CDK5RAP3: variants seen among roughly 807,000 people sequenced by gnomAD.
The protein encoded by CDK5RAP3 is CDK5 regulatory subunit-associated protein 3.
In CDK5RAP3, 58 loss-of-function variants were observed where a neutral mutation model predicts 73.3. That is an observed-to-expected ratio of 0.79 (90% CI 0.64 to 0.98). CDK5RAP3 has a LOEUF of 0.98. Ranked by LOEUF, CDK5RAP3 falls within the 50% of genes least tolerant of loss-of-function variation. The pLI, the probability that CDK5RAP3 is intolerant of heterozygous loss-of-function variation, is 0.00. For synonymous variants in CDK5RAP3, 224 were observed against 247.5 expected (o/e 0.91, Z 0.89); for missense variants, 525 against 615.8 (o/e 0.85, Z 1.56).
chr17:47,968,572 C>T (rs150843327), upstream of CDK5RAP3, among the ~76,000 whole-genome samples: 169 of 152,326 alleles, frequency 1.1e-3, 5 homozygotes, highest in East Asian at 0.026. Context: ...GGCTGGAGTG[C>T]GGTGGCGCAA....
rs762802476 is a variant in CDK5RAP3 at position 47,981,467 on chromosome 17, G to T, written c.1486G>T (p.Gly496Trp). ...AGCTGACATCTCCAAGAGGTACAGC[G>T]GGCGCCCTGTGAACCTGATGGGAAC... ...IEADISKRYS[G>W]RPVNLMGTSL The change falls in exon 14 of 14, where the codon GGG becomes TGG. Residue 496 changes from glycine (G) to tryptophan (W), a missense_variant. Physicochemically the swap from Gly to Trp is radical, Grantham distance 184 (BLOSUM62 -2). Around this residue, in one of 2 missense-constraint regions of CDK5RAP3, gnomAD observed 116 missense variants for 186.1 expected, o/e 0.62. Transcript: ENST00000338399. 6.2e-7 allele frequency: 1 copy of T among 1,614,224 alleles called. No homozygotes were observed. The highest frequency in any genetic ancestry group is 8.5e-7 in the Non-Finnish European group (1 of 1,180,044).
chr17:47,973,193 T>C (rs1441737433), intron 2 of CDK5RAP3, among the ~76,000 whole-genome samples: 1 of 152,210 alleles, frequency 6.6e-6, no homozygotes, highest in East Asian at 1.9e-4. Context: ...AAGAAAGATA[T>C]AATTACCCAT....
chr17:47,976,587 C>G, intron 8 of CDK5RAP3, 125 bp from the exon 9 acceptor site: 1 of 653,870 alleles, frequency 1.5e-6, no homozygotes, highest in East Asian at 2.9e-5. Flanking sequence ...TGGTCTCAAA[C>G]TCCTGGGCTC....
At chr17:47,974,659 A>G (rs2036352852) in intron 5 of CDK5RAP3, 1 of 1,387,444 alleles carries the variant, frequency 7.2e-7, no homozygotes, top group Non-Finnish European at 9.4e-7. Context: ...CCAGGCCGGT[A>G]GTGGCCATTC....
At chr17:47,977,692 G>A (rs1481867118) in intron 9 of CDK5RAP3, 140 bp from the exon 10 acceptor site, 2 of 662,318 alleles carry the variant, frequency 3.0e-6, no homozygotes, top group Non-Finnish European at 5.2e-6. Flanking sequence ...TGCCATTTTT[G>A]GCACCTAAGT....
Position 47,973,423 on chromosome 17 carries a change from A to G in CDK5RAP3, c.53-96A>G, listed in dbSNP as rs2036314160. On this transcript the variant is annotated intron_variant, in intron 2 of 13. Coordinates refer to ENST00000338399, the MANE Select transcript of CDK5RAP3 (RefSeq NM_176096.3). ...CCCATACTTTAACCAATGTAAAGAA[A>G]ACTTTTAGACTAATTTCAGTGTATT... 5 of 1,446,414 alleles carry G rather than the reference A, an allele frequency of 3.5e-6. No homozygotes were observed. The Admixed American group carries it at 5.8e-5, about 17-fold the overall frequency. The allele number at this position is 1,446,414 out of a possible 1,614,324, so 89.6% of individuals were successfully genotyped here.
upstream of CDK5RAP3, chr17:47,970,898 G>A: frequency 6.9e-7 from 1 of 1,442,756 alleles, no homozygotes; most frequent in Admixed American, 2.6e-5. Context: ...CCTGCCCTGA[G>A]CCCGCCTCGC....
chr17:47,971,683 A>G (rs939076300), intron 2 of CDK5RAP3, among the ~76,000 whole-genome samples: 1 of 152,148 alleles, frequency 6.6e-6, no homozygotes, highest in Non-Finnish European at 1.5e-5. Flanking sequence ...AAAACAGTCA[A>G]CCACTGCCGG....
At position 47,973,930 on chromosome 17, in the gene CDK5RAP3, G is replaced by C; in HGVS notation, c.185-1G>C. The C allele has an allele frequency of 1.2e-6, 2 of 1,610,054 alleles. No homozygotes were observed. The highest frequency in any genetic ancestry group is 1.7e-6 in the Non-Finnish European group (2 of 1,176,234). ...TCGAAATCCCGTCTCTTGCTTTCTA[G>C]ACATTCACTACTTTCACTGCCTAAG... On this transcript the variant is annotated splice_acceptor_variant, in intron 3 of 13. Coordinates refer to ENST00000338399, the MANE Select transcript of CDK5RAP3 (RefSeq NM_176096.3). LOFTEE classifies it high-confidence loss of function.
At chr17:47,978,537 G>T in intron 10 of CDK5RAP3, 1 of 393,456 alleles carries the variant, frequency 2.5e-6, no homozygotes, top group Non-Finnish European at 4.7e-6. Flanking sequence ...AGCCACTAGA[G>T]GGCGGTGCAG....
At chr17:47,976,074 C>T (rs2036405575) in intron 8 of CDK5RAP3, 61 bp downstream of exon 8, 3 of 1,560,278 alleles carry the variant, frequency 1.9e-6, no homozygotes, top group African/African-American at 1.4e-5. Context: ...CCCCTCCCCA[C>T]CCCCAACAGC....
chr17:47,978,483 A>C, intron 10 of CDK5RAP3: 1 of 267,358 alleles, frequency 3.7e-6, no homozygotes, highest in Non-Finnish European at 7.2e-6. Context: ...CTGGAGTGTG[A>C]CATGACCCCC....
In CDK5RAP3 at chr17:47,974,380, G is replaced by T. The variant is rs1055701511; in HGVS notation, c.286-20G>T. On this transcript the variant is annotated intron_variant, in intron 4 of 13. Coordinates refer to ENST00000338399, the MANE Select transcript of CDK5RAP3 (RefSeq NM_176096.3). The stretch of plus-strand genomic sequence containing the variant: ...TCGAGTGCTTTTCTGGCTTAACATT[G>T]TTTTTCTGTTCTTACTCAGGATTGG... 5 of 1,608,092 alleles carry T rather than the reference G, an allele frequency of 3.1e-6. No individual in the cohort carries two copies. The highest frequency in any genetic ancestry group is 4.3e-6 in the Non-Finnish European group (5 of 1,174,548).
At chr17:47,974,230 G>C (rs371023367) in intron 4 of CDK5RAP3, 170 bp from the exon 5 acceptor site, 8 of 734,888 alleles carry the variant, frequency 1.1e-5, no homozygotes, top group Non-Finnish European at 1.9e-5. Context: ...TTTAGGGATT[G>C]CCTGCACTCT....
chr17:47,974,258 C>T, intron 4 of CDK5RAP3, 142 bp from the exon 5 acceptor site: 2 of 844,204 alleles, frequency 2.4e-6, no homozygotes, highest in South Asian at 3.0e-5. Flanking sequence ...GGTGGTCCAG[C>T]CAGCAGAGTT....
chr17:47,969,414 G>A (rs2905845), upstream of CDK5RAP3, among the ~76,000 whole-genome samples: 1 of 151,488 alleles, frequency 6.6e-6, no homozygotes, highest in East Asian at 1.9e-4. Flanking sequence ...AAAATTAGCC[G>A]GGCGTGGTGG....
intron 5 of CDK5RAP3, 93 bp from the exon 6 acceptor site, chr17:47,975,066 G>A: frequency 6.2e-7 from 1 of 1,610,936 alleles, no homozygotes; most frequent in Non-Finnish European, 8.5e-7. Context: ...CTGACTTCGT[G>A]CTCTTCACCA....
At chr17:47,978,381 C>G (rs1490957632) in intron 10 of CDK5RAP3, among the ~76,000 whole-genome samples, 5 of 151,876 alleles carry the variant, frequency 3.3e-5, no homozygotes, top group Non-Finnish European at 7.4e-5. Context: ...AAGAGAGGTT[C>G]TTAAAAGTTG....
chr17:47,968,454 C>G (rs569297995), upstream of CDK5RAP3, among the ~76,000 whole-genome samples: 2 of 151,370 alleles, frequency 1.3e-5, no homozygotes, highest in South Asian at 2.1e-4. Context: ...AGCTGAGTAG[C>G]TGGGACTGCA....
Sources: allele counts gnomAD v4.1 joint callset (sites outside exome capture counted in the v4.1 genomes callset), GRCh38; gene constraint gnomAD v4.1.1; regional missense constraint gnomAD v4.1.1; transcripts MANE v1.5; gene names NCBI Gene and HGNC (gene_info 2026-07-23, HGNC 2026-07-21).